Variants in NCKAP5 observed in about 807,000 individuals in gnomAD.
NCKAP5 encodes the protein nck-associated protein 5.
NCKAP5 carries 92 observed loss-of-function variants against 167.0 expected under a neutral mutation model. That is an observed-to-expected ratio of 0.55 (90% CI 0.47 to 0.66). NCKAP5 has a LOEUF of 0.66. NCKAP5 is among the 30% of genes least tolerant of loss of function. The pLI is 0.00. For synonymous variants in NCKAP5, 891 were observed against 877.4 expected, an observed-to-expected ratio of 1.02 and a Z score of -0.27; for missense variants, 2,378 against 2,315.0, an observed-to-expected ratio of 1.03 and a Z score of -0.56.
At chr2:133,071,305 C>T (rs1025698908) in intron 6 of NCKAP5, among the ~76,000 whole-genome samples, 2 of 152,066 alleles carry the variant, frequency 1.3e-5, no homozygotes, top group African/African-American at 4.8e-5. Context: ...ATTAGCCGGG[C>T]GTAGTGGCGG....
intron 8 of NCKAP5, among the ~76,000 whole-genome samples, chr2:132,955,077 T>C (rs2076299620): frequency 6.6e-6 from 1 of 152,242 alleles, no homozygotes; most frequent in Non-Finnish European, 1.5e-5. Context: ...GAAACAATTA[T>C]GAATTTCTAT....
At chr2:133,382,606 A>T (rs570014647) in intron 3 of NCKAP5, among the ~76,000 whole-genome samples, 53 of 152,282 alleles carry the variant, frequency 3.5e-4, no homozygotes, top group African/African-American at 1.2e-3. Flanking sequence ...TTCTGGAGCC[A>T]TCTGCATCCT....
chr2:132,895,039 A>G (rs185344864), intron 8 of NCKAP5, among the ~76,000 whole-genome samples: 96 of 152,252 alleles, frequency 6.3e-4, no homozygotes, highest in Middle Eastern at 3.4e-3. Flanking sequence ...TGCCTAAAAA[A>G]TCGAAATAAG....
intron 3 of NCKAP5, among the ~76,000 whole-genome samples, chr2:133,321,840 C>T (rs1359491574): frequency 6.6e-6 from 1 of 152,152 alleles, no homozygotes; most frequent in Non-Finnish European, 1.5e-5. Context: ...AGCTAAAAAA[C>T]AAGACAAAAC....
At chr2:133,015,328 G>C (rs989643392) in intron 6 of NCKAP5, among the ~76,000 whole-genome samples, 1 of 150,552 alleles carries the variant, frequency 6.6e-6, no homozygotes. Flanking sequence ...TTCAAGAGTT[G>C]TCATTTTTGA....
chr2:133,639,523 A>T, the NCKAP5 span, among the ~76,000 whole-genome samples: 1 of 152,214 alleles, frequency 6.6e-6, no homozygotes, highest in East Asian at 1.9e-4. Context: ...TAGGCAGCTT[A>T]TGATTTTATT....
intron 5 of NCKAP5, among the ~76,000 whole-genome samples, chr2:133,134,947 A>G (rs1045176027): frequency 6.6e-6 from 1 of 152,176 alleles, no homozygotes; most frequent in Non-Finnish European, 1.5e-5. Flanking sequence ...TGTACCCCCA[A>G]CATGGAGTCG....
intron 2 of NCKAP5, among the ~76,000 whole-genome samples, chr2:133,539,187 G>A (rs1445596836): frequency 6.6e-6 from 1 of 151,918 alleles, no homozygotes; most frequent in East Asian, 1.9e-4. Context: ...TGATCCACCT[G>A]CCTCGGCCTC....
chr2:132,725,333 T>C (rs1690342072), intron 19 of NCKAP5, among the ~76,000 whole-genome samples: 1 of 152,208 alleles, frequency 6.6e-6, no homozygotes, highest in African/African-American at 2.4e-5. Flanking sequence ...AGAACAGTTA[T>C]CTTTATAGTC....
chr2:133,568,484 C>G (rs924619519), upstream of NCKAP5: 1 of 151,814 alleles, frequency 6.6e-6, no homozygotes, highest in Admixed American at 6.6e-5. Flanking sequence ...ATACAAGCTC[C>G]GTGGACAAAG....
intron 2 of NCKAP5, among the ~76,000 whole-genome samples, chr2:133,519,394 T>C (rs1388959812): frequency 6.6e-6 from 1 of 152,248 alleles, no homozygotes; most frequent in African/African-American, 2.4e-5. Context: ...TGTATACTGC[T>C]ATAGGCATGA....
intron 3 of NCKAP5, among the ~76,000 whole-genome samples, chr2:133,513,780 G>C (rs1208536306): frequency 6.6e-6 from 1 of 152,112 alleles, no homozygotes; most frequent in Admixed American, 6.5e-5. Flanking sequence ...GAAGAAAAGA[G>C]GGTACCAGGA....
rs145215186 is a variant in NCKAP5 at position 132,721,653 on chromosome 2, A to G, written c.5713+3974T>C. ...ACCTTTGCCAACATTTAGAAAGTTA[A>G]TGGTGCTGCATCCATCCTTTAATGC... On this transcript the variant is annotated intron_variant, in intron 19 of 19. Transcript: ENST00000409261. Among the ~76,000 whole-genome samples, 523 of 152,330 alleles carry G rather than the reference A, an allele frequency of 3.4e-3. 15 individuals are homozygous for G. The highest frequency in any genetic ancestry group is 0.025 in the Admixed American group (386 of 15,304).
intron 3 of NCKAP5, among the ~76,000 whole-genome samples, chr2:133,408,531 G>A (rs1393929498): frequency 2.6e-5 from 4 of 152,084 alleles, no homozygotes; most frequent in Non-Finnish European, 5.9e-5. Flanking sequence ...GTTAATGCTT[G>A]AAGAACTGAC....
intron 19 of NCKAP5, among the ~76,000 whole-genome samples, chr2:132,711,137 G>A (rs1431288058): frequency 2.0e-5 from 3 of 152,168 alleles, no homozygotes; most frequent in Admixed American, 6.5e-5. Context: ...ATATGGTAGT[G>A]TTCTACAATA....
At chr2:133,376,658 A>G (rs896720625) in intron 3 of NCKAP5, among the ~76,000 whole-genome samples, 1 of 152,224 alleles carries the variant, frequency 6.6e-6, no homozygotes, top group Non-Finnish European at 1.5e-5. Flanking sequence ...ACCTTTGCTT[A>G]AACCCTTCTG....
At chr2:132,725,870 A>T (rs1413969232) in intron 18 of NCKAP5, 111 bp from the exon 19 acceptor site, 1 of 1,175,734 alleles carries the variant, frequency 8.5e-7, no homozygotes, top group Non-Finnish European at 1.2e-6. Flanking sequence ...TGTGCACAGA[A>T]TTCCATTCCC....
chr2:132,852,848 TG>T (rs1689177188), intron 11 of NCKAP5, among the ~76,000 whole-genome samples: 1 of 152,144 alleles, frequency 6.6e-6, no homozygotes. Flanking sequence ...CTGAGGACCT[TG>T]GATGGTATAT....
chr2:133,365,440 G>C (rs1256029008), intron 3 of NCKAP5, among the ~76,000 whole-genome samples: 1 of 151,734 alleles, frequency 6.6e-6, no homozygotes, highest in Non-Finnish European at 1.5e-5. Context: ...CTAGACTCTG[G>C]TTGCCTGTCC....
Sources: allele counts gnomAD v4.1 joint callset (sites outside exome capture counted in the v4.1 genomes callset), GRCh38; gene constraint gnomAD v4.1.1; transcripts MANE v1.5; gene names NCBI Gene and HGNC (gene_info 2026-07-23, HGNC 2026-07-21).